The following TCF4 variants were observed in gnomAD, a reference collection of about 807,000 sequenced individuals.
TCF4 encodes transcription factor 4.
Under a neutral mutation model 82.1 loss-of-function variants are expected in TCF4, and 3 were observed. The observed-to-expected ratio is 0.04, with a 90% CI of 0.02 to 0.09. TCF4 has a LOEUF of 0.09. TCF4 is among the 10% of genes least tolerant of loss of function. The pLI is 1.00. For missense variants in TCF4, 518 were observed against 852.7 expected (o/e 0.61, Z 4.89); for synonymous variants, 276 against 309.6 (o/e 0.89, Z 1.14).
At chr18:55,613,299 C>G (rs1218378531) in intron 2 of TCF4, among the ~76,000 whole-genome samples, 1 of 152,090 alleles carries the variant, frequency 6.6e-6, no homozygotes, top group African/African-American at 2.4e-5. Flanking sequence ...CCCCAGGCAA[C>G]CAATAGTCTG....
intron 5 of TCF4, among the ~76,000 whole-genome samples, chr18:55,445,706 A>G (rs1330926783): frequency 1.3e-5 from 2 of 152,170 alleles, no homozygotes; most frequent in Non-Finnish European, 2.9e-5. Flanking sequence ...TACATCTCAT[A>G]GTCATCTCAC....
chr18:55,406,343 C>T, intron 5 of TCF4, among the ~76,000 whole-genome samples: 1 of 152,066 alleles, frequency 6.6e-6, no homozygotes, highest in East Asian at 1.9e-4. Context: ...GCAAAATAAT[C>T]AGGCACTGTG....
intron 2 of TCF4, chr18:55,586,296 G>A (rs1462878717): frequency 1.2e-6 from 1 of 844,916 alleles, no homozygotes; most frequent in Non-Finnish European, 1.9e-6. Context: ...TTTTTATTTT[G>A]CTTTACAAAT....
At chr18:55,425,948 T>A (rs2094960789) in intron 5 of TCF4, among the ~76,000 whole-genome samples, 1 of 152,152 alleles carries the variant, frequency 6.6e-6, no homozygotes, top group Admixed American at 6.5e-5. Flanking sequence ...GGGAAATGCC[T>A]AGTGCTCTAC....
chr18:55,600,963 T>A (rs1222558978), intron 2 of TCF4, among the ~76,000 whole-genome samples: 1 of 152,186 alleles, frequency 6.6e-6, no homozygotes, highest in East Asian at 1.9e-4. Flanking sequence ...ATGCAGATAC[T>A]GTGCCATTTT....
rs544379582 is a variant in TCF4 at position 55,344,634 on chromosome 18, A to G, written c.549+5725T>C. On this transcript the variant is annotated intron_variant, in intron 8 of 19. Transcript: ENST00000354452. ...GTTAGCAGCTGCTAACATCTTAACG[A>G]AAGTCCTGATAAATCTTAGCATGCA... 2.6e-5 allele frequency among the ~76,000 whole-genome samples: 4 copies of G among 152,304 alleles called. No individual in the cohort carries two copies. The South Asian group carries it at 8.3e-4, about 32-fold the overall frequency.
chr18:55,526,246 G>C (rs1483431476), intron 3 of TCF4, among the ~76,000 whole-genome samples: 1 of 152,088 alleles, frequency 6.6e-6, no homozygotes, highest in Non-Finnish European at 1.5e-5. Context: ...TATCTAAAAA[G>C]GGTTTAGAAC....
chr18:55,429,109 A>G (rs2095093417), intron 5 of TCF4, among the ~76,000 whole-genome samples: 3 of 152,236 alleles, frequency 2.0e-5, no homozygotes, highest in Admixed American at 2.0e-4. Context: ...TCCATAGCAA[A>G]TATAGGAAAA....
chr18:55,409,330 T>C (rs1036121694), intron 5 of TCF4, among the ~76,000 whole-genome samples: 10 of 152,066 alleles, frequency 6.6e-5, no homozygotes, highest in African/African-American at 2.2e-4. Flanking sequence ...TCTAGCATGT[T>C]AAAGACTCTT....
chr18:55,380,528 C>T (rs1316767479), intron 6 of TCF4, among the ~76,000 whole-genome samples: 1 of 152,132 alleles, frequency 6.6e-6, no homozygotes, highest in Non-Finnish European at 1.5e-5. Flanking sequence ...AAGGCTTCAC[C>T]TCCTAACACC....
intron 3 of TCF4, among the ~76,000 whole-genome samples, chr18:55,524,312 C>T (rs774705962): frequency 6.6e-6 from 1 of 151,830 alleles, no homozygotes; most frequent in Non-Finnish European, 1.5e-5. Flanking sequence ...TACATTTGTG[C>T]TGAGTGTATA....
intron 2 of TCF4, chr18:55,585,897 T>G: frequency 8.2e-7 from 1 of 1,225,134 alleles, no homozygotes; most frequent in Non-Finnish European, 1.0e-6. Context: ...TCTCTTTCAC[T>G]CCCTCTCTCT....
In TCF4 at chr18:55,515,054, A is replaced by G. The variant is rs2096867770; in HGVS notation, c.146-50917T>C. ...TAAGGATGAAAATAACTTCAGCAAG[A>G]TTAGGAAATTTGCCTAATTTCAGAG... On this transcript the variant is annotated intron_variant, in intron 3 of 19. Transcript: ENST00000354452. Among the ~76,000 whole-genome samples, 3 of 152,308 alleles carry G rather than the reference A, an allele frequency of 2.0e-5. No homozygotes were observed. The South Asian group carries it at 6.2e-4, about 32-fold the overall frequency.
chr18:55,347,461 G>A (rs908688554), intron 8 of TCF4, among the ~76,000 whole-genome samples: 3 of 152,176 alleles, frequency 2.0e-5, no homozygotes, highest in African/African-American at 7.2e-5. Flanking sequence ...TCCCACCATC[G>A]TGTCATACTT....
intron 11 of TCF4, chr18:55,268,155 A>C (rs1041503994): frequency 6.6e-6 from 1 of 152,094 alleles, no homozygotes; most frequent in African/African-American, 2.4e-5. Flanking sequence ...GTTTTTTTTC[A>C]AACAGAGCCT....
chr18:55,422,681 A>T (rs2094818634), intron 5 of TCF4, among the ~76,000 whole-genome samples: 2 of 152,048 alleles, frequency 1.3e-5, no homozygotes, highest in African/African-American at 4.8e-5. Context: ...CCATAATGCA[A>T]GCATTTGGGA....
At chr18:55,355,416 C>T (rs2119291) in intron 6 of TCF4, among the ~76,000 whole-genome samples, 3,552 of 152,212 alleles carry the variant, frequency 0.023, 57 homozygotes, top group Non-Finnish European at 0.037. Context: ...AAATCCCTGT[C>T]GAATAGTTGC....
At chr18:55,421,213 C>T (rs1418935216) in intron 5 of TCF4, among the ~76,000 whole-genome samples, 1 of 152,142 alleles carries the variant, frequency 6.6e-6, no homozygotes, top group African/African-American at 2.4e-5. Flanking sequence ...CCTGTGTACA[C>T]ACACACAGGT....
intron 8 of TCF4, chr18:55,302,658 G>A: frequency 6.8e-7 from 1 of 1,474,272 alleles, no homozygotes; most frequent in African/African-American, 1.4e-5. Context: ...GAGGCCTGTG[G>A]CTGGCCTAGG....
Sources: gnomAD v4.1 joint callset for allele counts (sites outside exome capture counted in the v4.1 genomes callset) on GRCh38, gnomAD v4.1.1 for gene constraint, MANE v1.5 for transcripts, NCBI Gene and HGNC (gene_info 2026-07-23, HGNC 2026-07-21) for gene names.